AGMO: variants seen among roughly 807,000 people sequenced by gnomAD.
AGMO encodes alkylglycerol monooxygenase.
AGMO carries 75 observed loss-of-function variants against 60.2 expected under a neutral mutation model. The observed-to-expected ratio is 1.25, with a 90% CI of 1.03 to 1.51. The LOEUF (loss-of-function observed/expected upper bound fraction) is 1.51, where lower values mean the gene tolerates loss of function less well. Ranked by LOEUF, AGMO falls within the 40% of genes most tolerant of loss-of-function variation. The probability of loss-of-function intolerance (pLI) is 0.00; values close to 1 mark genes in which losing one functional copy is unlikely to be tolerated. For synonymous variants in AGMO, 261 were observed against 177.1 expected (o/e 1.47, Z -3.76); for missense variants, 763 against 525.5 (o/e 1.45, Z -4.42).
At chr7:15,320,903 T>C (rs544297110) in intron 12 of AGMO, among the ~76,000 whole-genome samples, 1 of 152,302 alleles carries the variant, frequency 6.6e-6, no homozygotes, top group East Asian at 1.9e-4. Context: ...AACAATAAAG[T>C]TTAACTGTTG....
chr7:15,213,298 C>T (rs1214037763), intron 12 of AGMO, among the ~76,000 whole-genome samples: 1 of 151,698 alleles, frequency 6.6e-6, no homozygotes, highest in East Asian at 1.9e-4. Flanking sequence ...GACTCTCATC[C>T]TTTGGGTCAC....
intron 3 of AGMO, among the ~76,000 whole-genome samples, chr7:15,449,342 CT>C (rs1781795440): frequency 2.7e-5 from 4 of 149,010 alleles, no homozygotes; most frequent in Non-Finnish European, 6.0e-5. Flanking sequence ...TTCTCTCTCT[CT>C]CTCTCTCTCT....
At chr7:15,371,408 G>A (rs4640951) in intron 10 of AGMO, among the ~76,000 whole-genome samples, 83,631 of 149,488 alleles carry the variant, frequency 0.56, 23,855 homozygotes, top group African/African-American at 0.67. Context: ...TTTTTTCTTC[G>A]AGACAGAATT....
intron 3 of AGMO, among the ~76,000 whole-genome samples, chr7:15,471,009 A>G (rs948656676): frequency 2.0e-5 from 3 of 151,932 alleles, no homozygotes; most frequent in African/African-American, 7.2e-5. Flanking sequence ...AAAATTAAGT[A>G]CTCATGGAGA....
downstream of AGMO, among the ~76,000 whole-genome samples, chr7:15,198,257 CAG>C (rs1229360945): frequency 3.4e-3 from 190 of 56,590 alleles, 12 homozygotes; most frequent in African/African-American, 0.017. Flanking sequence ...GAGAGAGAGA[CAG>C]AGACAGAGAG....
At chr7:15,516,263 T>C (rs906824250) in intron 3 of AGMO, among the ~76,000 whole-genome samples, 3 of 152,052 alleles carry the variant, frequency 2.0e-5, no homozygotes, top group Non-Finnish European at 4.4e-5. Flanking sequence ...AAGGAGAAGA[T>C]GGTGAGGGAA....
intron 12 of AGMO, among the ~76,000 whole-genome samples, chr7:15,272,602 A>G (rs529869398): frequency 6.6e-6 from 1 of 152,206 alleles, no homozygotes; most frequent in Admixed American, 6.5e-5. Flanking sequence ...GTGTGCATGT[A>G]TCTTTACAGC....
intron 12 of AGMO, among the ~76,000 whole-genome samples, chr7:15,209,170 G>C (rs1470137499): frequency 6.6e-6 from 1 of 152,126 alleles, no homozygotes; most frequent in Non-Finnish European, 1.5e-5. Context: ...AGAGCAAAAT[G>C]TACTTCTGGC....
At chr7:15,397,370 C>G (rs372913593) in intron 5 of AGMO, among the ~76,000 whole-genome samples, 2 of 151,912 alleles carry the variant, frequency 1.3e-5, no homozygotes, top group East Asian at 3.9e-4. Flanking sequence ...AGCCCCGGCT[C>G]CCGCACCTCT....
chr7:15,429,026 C>G (rs938345837), intron 4 of AGMO, among the ~76,000 whole-genome samples: 3 of 152,042 alleles, frequency 2.0e-5, no homozygotes, highest in Admixed American at 6.6e-5. Flanking sequence ...GTTTTCCCCC[C>G]ATTAACTGCT....
intron 12 of AGMO, among the ~76,000 whole-genome samples, chr7:15,227,489 A>G (rs1782121871): frequency 6.6e-6 from 1 of 151,014 alleles, no homozygotes. Context: ...TAAATTCTTG[A>G]GTTTATAGGA....
the AGMO span, among the ~76,000 whole-genome samples, chr7:15,142,615 T>C: frequency 6.6e-6 from 1 of 152,182 alleles, no homozygotes; most frequent in Admixed American, 6.5e-5. Context: ...GTTACCTAAT[T>C]CCTTTATCCT....
chr7:15,529,391 T>C (rs539917933), intron 3 of AGMO, among the ~76,000 whole-genome samples: 11 of 149,754 alleles, frequency 7.3e-5, no homozygotes, highest in Admixed American at 6.8e-4. Context: ...TAGACACTAT[T>C]ATTTAATTTG....
At chr7:15,354,387 TG>T (rs1782395581) in intron 12 of AGMO, among the ~76,000 whole-genome samples, 1 of 38,168 alleles carries the variant, frequency 2.6e-5, no homozygotes, top group African/African-American at 2.3e-4. Flanking sequence ...TATACACGTG[TG>T]TGTATACACG....
intron 12 of AGMO, among the ~76,000 whole-genome samples, chr7:15,240,906 A>AT (rs1177851112): frequency 1.3e-5 from 2 of 151,926 alleles, no homozygotes; most frequent in Non-Finnish European, 2.9e-5. Flanking sequence ...GAGTTAATTC[A>AT]TTTCCTTAGG....
intron 3 of AGMO, among the ~76,000 whole-genome samples, chr7:15,443,345 T>G (rs915606440): frequency 2.0e-5 from 3 of 152,172 alleles, no homozygotes; most frequent in Non-Finnish European, 4.4e-5. Flanking sequence ...CATCTTCATG[T>G]TCCCCCTAGA....
At chr7:15,404,492 A>G (rs533047618) in intron 5 of AGMO, among the ~76,000 whole-genome samples, 1 of 151,936 alleles carries the variant, frequency 6.6e-6, no homozygotes, top group Non-Finnish European at 1.5e-5. Context: ...GATTTACAGA[A>G]GAAAAACTGG....
At chr7:15,479,260 G>C (rs1180371685) in intron 3 of AGMO, among the ~76,000 whole-genome samples, 2 of 152,084 alleles carry the variant, frequency 1.3e-5, no homozygotes, top group African/African-American at 4.8e-5. Context: ...AAGTACAATG[G>C]GGCAGGGCCA....
the AGMO span, among the ~76,000 whole-genome samples, chr7:15,126,944 AC>A: frequency 3.0e-4 from 45 of 152,096 alleles, no homozygotes; most frequent in African/African-American, 1.1e-3. Flanking sequence ...CTTGGCCTCC[AC>A]AATCCTTTAT....
Sources: gnomAD v4.1 joint callset for allele counts (sites outside exome capture counted in the v4.1 genomes callset) on GRCh38, gnomAD v4.1.1 for gene constraint, MANE v1.5 for transcripts, NCBI Gene and HGNC (gene_info 2026-07-23, HGNC 2026-07-21) for gene names.